Variants in MB21D2 observed in about 807,000 individuals in gnomAD.
The protein encoded by MB21D2 is nucleotidyltransferase MB21D2.
Under a neutral mutation model 33.3 loss-of-function variants are expected in MB21D2, and 9 were observed. The observed-to-expected ratio is 0.27, with a 90% CI of 0.16 to 0.47. The LOEUF is 0.47. Ranked by LOEUF, MB21D2 falls within the 20% of genes least tolerant of loss-of-function variation. The probability of loss-of-function intolerance (pLI) is 0.99; values close to 1 mark genes in which losing one functional copy is unlikely to be tolerated. For synonymous variants in MB21D2, 241 were observed against 236.3 expected, an observed-to-expected ratio of 1.02 and a Z score of -0.18; for missense variants, 540 against 624.6, an observed-to-expected ratio of 0.86 and a Z score of 1.44.
intron 1 of MB21D2, among the ~76,000 whole-genome samples, chr3:192,850,302 A>G (rs1249557348): frequency 2.0e-5 from 3 of 152,140 alleles, no homozygotes; most frequent in East Asian, 3.9e-4. Context: ...ACACTGAAGG[A>G]AAGAACCTGG....
At position 192,917,777 on chromosome 3, in the gene MB21D2, A is replaced by G; in HGVS notation, c.64T>C (p.Phe22Leu). The G allele has an allele frequency of 6.2e-7, 1 of 1,613,752 alleles. No individual in the cohort carries two copies. The highest frequency in any genetic ancestry group is 1.7e-4 in the Middle Eastern group (1 of 5,740). The stretch of plus-strand genomic sequence containing the variant: ...CCCGACCTGAAATCCAGCTCCGGGA[A>G]CGCAGGCTTGTTGTTACAGCCCAGG... ...ASLGCNNKPA[F>L]PELDFRSGAR... The change falls in exon 1 of 2, where the codon TTC (phenylalanine) becomes CTC (leucine). Residue 22 changes from phenylalanine (F) to leucine (L), a missense_variant. Physicochemically the swap from Phe to Leu is conservative, Grantham distance 22. Coordinates refer to ENST00000392452, the MANE Select transcript of MB21D2 (RefSeq NM_178496.4).
chr3:192,802,811 C>T (rs1339774843), intron 1 of MB21D2, among the ~76,000 whole-genome samples: 1 of 152,192 alleles, frequency 6.6e-6, no homozygotes, highest in African/African-American at 2.4e-5. Context: ...TCCTTTCATT[C>T]TACCATTCAG....
At chr3:192,812,279 C>T (rs1452015978) in intron 1 of MB21D2, among the ~76,000 whole-genome samples, 2 of 152,050 alleles carry the variant, frequency 1.3e-5, no homozygotes, top group African/African-American at 4.8e-5. Context: ...AACTCCTGAC[C>T]TCCCAACTGG....
At chr3:192,836,769 T>G (rs1712449113) in intron 1 of MB21D2, among the ~76,000 whole-genome samples, 1 of 152,188 alleles carries the variant, frequency 6.6e-6, no homozygotes, top group African/African-American at 2.4e-5. Flanking sequence ...CTGAACAGAT[T>G]TAACTGTTTA....
At chr3:192,878,091 T>G (rs1039428476) in intron 1 of MB21D2, among the ~76,000 whole-genome samples, 21 of 141,110 alleles carry the variant, frequency 1.5e-4, no homozygotes, top group Non-Finnish European at 2.3e-4. Context: ...CTTTTTTTTT[T>G]TTTTTTTTTT....
intron 1 of MB21D2, among the ~76,000 whole-genome samples, chr3:192,836,975 C>T (rs1712454923): frequency 6.6e-6 from 1 of 152,128 alleles, no homozygotes; most frequent in African/African-American, 2.4e-5. Flanking sequence ...TGATACAAAA[C>T]ACCAAAACAC....
intron 1 of MB21D2, among the ~76,000 whole-genome samples, chr3:192,903,163 CA>C (rs1321081847): frequency 6.6e-6 from 1 of 152,224 alleles, no homozygotes; most frequent in Non-Finnish European, 1.5e-5. Flanking sequence ...CCCCTGTCTT[CA>C]AAGTCAGCAG....
chr3:192,877,132 A>G (rs1713449007), intron 1 of MB21D2, among the ~76,000 whole-genome samples: 1 of 152,238 alleles, frequency 6.6e-6, no homozygotes, highest in African/African-American at 2.4e-5. Context: ...GTACTACAAC[A>G]GGATTTGTGT....
chr3:192,902,307 G>A (rs556226273), intron 1 of MB21D2, among the ~76,000 whole-genome samples: 33 of 152,278 alleles, frequency 2.2e-4, no homozygotes, highest in African/African-American at 5.3e-4. Flanking sequence ...CATAGAGCCC[G>A]GCGTAGTCAG....
At position 192,799,038 on chromosome 3, in the gene MB21D2, G is replaced by C; in HGVS notation, c.824C>G (p.Pro275Arg). Reference protein sequence around the residue: ...EEVISGFYLVPACSYKGKKDN... With the variant: ...EEVISGFYLVRACSYKGKKDN... ...CTTCTTACCCTTGTAGGAGCAAGCA[G>C]GCACCAAGTAAAACCCACTGATGAC... Residue 275 changes from proline (P) to arginine (R), a missense_variant, in exon 2 of 2, where the codon CCT becomes CGT. Transcript: ENST00000392452. This position sits in a 1 kb window ranked among gnomAD's most constrained non-coding sequence, Gnocchi z 4.1. 6.2e-7 allele frequency: 1 copy of C among 1,614,084 alleles called. No homozygotes were observed. The highest frequency in any genetic ancestry group is 1.1e-5 in the South Asian group (1 of 91,064).
chr3:192,873,402 G>A (rs74464872), intron 1 of MB21D2, among the ~76,000 whole-genome samples: 2,396 of 152,270 alleles, frequency 0.016, 60 homozygotes, highest in African/African-American at 0.054. Context: ...GGGTAAAGGG[G>A]ATGAGGCTTC....
chr3:192,884,758 G>A (rs1018110360), intron 1 of MB21D2, among the ~76,000 whole-genome samples: 1 of 152,006 alleles, frequency 6.6e-6, no homozygotes, highest in African/African-American at 2.4e-5. Context: ...ATGCACACAT[G>A]TGTACAACTG....
intron 1 of MB21D2, among the ~76,000 whole-genome samples, chr3:192,836,695 C>T (rs1055793179): frequency 5.9e-5 from 9 of 152,200 alleles, no homozygotes; most frequent in Admixed American, 1.3e-4. Flanking sequence ...AAACAAATTT[C>T]TGCTGTTTAA....
chr3:192,835,979 C>G (rs951763677), intron 1 of MB21D2, among the ~76,000 whole-genome samples: 5 of 152,072 alleles, frequency 3.3e-5, no homozygotes, highest in Admixed American at 3.3e-4. Context: ...AAAGTCCCAC[C>G]ACTTCTAAGC....
intron 1 of MB21D2, among the ~76,000 whole-genome samples, chr3:192,880,075 T>G (rs1441999503): frequency 6.6e-6 from 1 of 152,148 alleles, no homozygotes; most frequent in African/African-American, 2.4e-5. Context: ...ACGGGCGCAG[T>G]GGCTCACGTC....
At chr3:192,832,926 T>A (rs186909946) in intron 1 of MB21D2, among the ~76,000 whole-genome samples, 2 of 152,200 alleles carry the variant, frequency 1.3e-5, no homozygotes, top group Non-Finnish European at 2.9e-5. Flanking sequence ...TATCTAAAAT[T>A]TATGCCCTCA....
rs978037267 is a variant in MB21D2, at chr3:192,797,543, G to T, written c.*843C>A. On this transcript the variant is annotated 3_prime_UTR_variant, in exon 2 of 2. Coordinates refer to ENST00000392452, the MANE Select transcript of MB21D2 (RefSeq NM_178496.4). ...TTTCACTGATAGAAATGGGCAAAAT[G>T]AAAAAATGATAGAATTTCGAGAGTG... 1 of 152,470 alleles carries T rather than the reference G, an allele frequency of 6.6e-6. No individual in the cohort carries two copies. The highest frequency in any genetic ancestry group is 2.4e-5 in the African/African-American group (1 of 41,400). 9.4% of individuals were successfully genotyped at this position (152,470 alleles called of 1,614,324 possible).
rs562736954 is a variant in MB21D2 at position 192,872,933 on chromosome 3, T to C, written c.211+44697A>G. Among the ~76,000 whole-genome samples the C allele has an allele frequency of 9.9e-5, 15 of 152,214 alleles. No homozygotes were observed. In the Middle Eastern group the frequency reaches 0.01, roughly 104 times the overall value. ...CATAAGTGATTCATTAGCTCCCCAG[T>C]AGCTTAACCCAACAGATCCCAAATT... On this transcript the variant is annotated intron_variant, in intron 1 of 1. Transcript: ENST00000392452.
chr3:192,912,532 G>A (rs999737532), intron 1 of MB21D2, among the ~76,000 whole-genome samples: 4 of 152,094 alleles, frequency 2.6e-5, no homozygotes, highest in Non-Finnish European at 5.9e-5. Context: ...AATTGGCCAG[G>A]TGTGGTAGCG....
Sources: gnomAD v4.1 joint callset for allele counts (sites outside exome capture counted in the v4.1 genomes callset) on GRCh38, gnomAD v4.1.1 for gene constraint, Gnocchi (gnomAD v3.1) non-coding constraint, MANE v1.5 for transcripts, NCBI Gene and HGNC (gene_info 2026-07-23, HGNC 2026-07-21) for gene names.